YME1L1: variants seen among roughly 807,000 people sequenced by gnomAD.
YME1L1 encodes ATP-dependent zinc metalloprotease YME1L1.
In YME1L1, 39 loss-of-function variants were observed where a neutral mutation model predicts 90.4. The observed-to-expected ratio is 0.43, with a 90% CI of 0.33 to 0.56. The LOEUF (loss-of-function observed/expected upper bound fraction) is 0.56, where lower values mean the gene tolerates loss of function less well. YME1L1 is among the 20% of genes least tolerant of loss of function. The pLI is 0.03. For missense variants in YME1L1, 617 were observed against 868.4 expected (o/e 0.71, Z 3.64); for synonymous variants, 284 against 287.3 (o/e 0.99, Z 0.12).
Position 27,110,991 on chromosome 10 carries a change from C to A in YME1L1, c.*986G>T, listed in dbSNP as rs766922737. On this transcript the variant is annotated 3_prime_UTR_variant, in exon 19 of 19. Coordinates refer to ENST00000376016, the MANE Select transcript of YME1L1 (RefSeq NM_014263.4). ...GGTTCAAGCAATTCTCGTGCCTCAG[C>A]CTCTCAAGTAGCTGGGATTCCAGGC... 2.0e-5 allele frequency: 3 copies of A among 152,004 alleles called. No homozygotes were observed. Among genetic ancestry groups the A allele is most frequent in the African/African-American group, 4.8e-5 (2 of 41,370 alleles). 9.4% of individuals were successfully genotyped at this position (152,004 alleles called of 1,614,324 possible).
Position 27,122,883 on chromosome 10 carries a change from T to C in YME1L1, c.1193A>G (p.Tyr398Cys). ...AAGTTGATTTATGGTCTGCCTTGAA[T>C]ATGGATGCATTGGAGATTCAATTCT... The part of the protein sequence containing the change: ...GKRIESPMHP[Y>C]SRQTINQLLA... Residue 398 changes from tyrosine (Y) to cysteine (C), a missense_variant, in exon 11 of 19, where the codon TAT becomes TGT. By Grantham distance (194) the Tyr-to-Cys change is radical. Coordinates refer to ENST00000376016, the MANE Select transcript of YME1L1 (RefSeq NM_014263.4). 6.2e-7 allele frequency: 1 copy of C among 1,613,560 alleles called. No homozygotes were observed.
At chr10:27,152,191 T>C (rs4749229) in intron 1 of YME1L1, among the ~76,000 whole-genome samples, 2,609 of 152,306 alleles carry the variant, frequency 0.017, 143 homozygotes, top group East Asian at 0.16. Flanking sequence ...CATTTCAAGA[T>C]ACATATTTTC....
At chr10:27,121,306 G>T in intron 12 of YME1L1, 80 bp downstream of exon 12, 2 of 971,200 alleles carry the variant, frequency 2.1e-6, no homozygotes, top group Non-Finnish European at 3.3e-6. Flanking sequence ...GTGTTGATGT[G>T]ATCTTTTGCA....
chr10:27,150,350 C>G (rs145787016), intron 1 of YME1L1, among the ~76,000 whole-genome samples: 2 of 152,268 alleles, frequency 1.3e-5, no homozygotes, highest in African/African-American at 2.4e-5. Context: ...AATTATACTT[C>G]TTGTTACAGT....
chr10:27,124,456 TATAA>T (rs2135856766), intron 9 of YME1L1, among the ~76,000 whole-genome samples: 1 of 152,334 alleles, frequency 6.6e-6, no homozygotes, highest in Non-Finnish European at 1.5e-5. Context: ...TATATGTTTT[TATAA>T]ATATACATAT....
chr10:27,118,651 C>T (rs896742412), intron 14 of YME1L1, among the ~76,000 whole-genome samples: 1 of 152,192 alleles, frequency 6.6e-6, no homozygotes, highest in African/African-American at 2.4e-5. Context: ...AACAATTTAA[C>T]TGAAAACCAA....
At chr10:27,125,555 T>C (rs2056909827) in intron 9 of YME1L1, among the ~76,000 whole-genome samples, 1 of 150,820 alleles carries the variant, frequency 6.6e-6, no homozygotes, top group Non-Finnish European at 1.5e-5. Context: ...AGGGCAACAC[T>C]ACAAAGGATA....
intron 8 of YME1L1, among the ~76,000 whole-genome samples, chr10:27,128,240 T>G (rs2056940567): frequency 6.6e-6 from 1 of 152,164 alleles, no homozygotes; most frequent in South Asian, 2.1e-4. Flanking sequence ...TGGTAAACAT[T>G]TGTCACAGGA....
intron 15 of YME1L1, 89 bp downstream of exon 15, chr10:27,117,487 G>C: frequency 7.2e-7 from 1 of 1,382,568 alleles, no homozygotes; most frequent in Non-Finnish European, 1.0e-6. Context: ...AGAATCGTTT[G>C]AATCCGGAAG....
intron 18 of YME1L1, among the ~76,000 whole-genome samples, chr10:27,113,209 G>C (rs1372465432): frequency 9.9e-6 from 1 of 101,502 alleles, no homozygotes; most frequent in African/African-American, 3.7e-5. Context: ...GACAGGGCAA[G>C]ATGCTGTCTC....
intron 7 of YME1L1, among the ~76,000 whole-genome samples, chr10:27,132,208 C>G (rs1216971842): frequency 6.6e-6 from 1 of 152,168 alleles, no homozygotes; most frequent in Non-Finnish European, 1.5e-5. Context: ...TCAAGCGATT[C>G]TCCTGCCTCA....
chr10:27,123,164 T>C (rs1019608158), intron 10 of YME1L1, among the ~76,000 whole-genome samples, 191 bp from the exon 11 acceptor site: 1 of 152,076 alleles, frequency 6.6e-6, no homozygotes, highest in Non-Finnish European at 1.5e-5. Context: ...AAAGAAATGA[T>C]ATAAAACAAA....
intron 15 of YME1L1, among the ~76,000 whole-genome samples, 191 bp downstream of exon 15, chr10:27,117,385 T>C (rs1232623121): frequency 6.6e-6 from 1 of 152,132 alleles, no homozygotes; most frequent in Non-Finnish European, 1.5e-5. Context: ...CTGGCCAACA[T>C]GGTGAAACCC....
In YME1L1 at chr10:27,136,391, T is replaced by C; in HGVS notation, c.431-6A>G. On this transcript the variant is annotated splice_polypyrimidine_tract_variant and splice_region_variant and intron_variant, in intron 4 of 18. Coordinates refer to ENST00000376016, the MANE Select transcript of YME1L1 (RefSeq NM_014263.4). ...ACCCCGAGACTGTATGAAAACTAAA[T>C]AAAACAATACCATTCACTGTCACTA... 1 of 1,601,760 alleles carries C rather than the reference T, an allele frequency of 6.2e-7. No individual in the cohort carries two copies. Among genetic ancestry groups the C allele is most frequent in the Non-Finnish European group, 8.5e-7 (1 of 1,170,674 alleles).
At chr10:27,140,474 T>G (rs1003811692) in intron 4 of YME1L1, among the ~76,000 whole-genome samples, 5 of 151,984 alleles carry the variant, frequency 3.3e-5, no homozygotes, top group South Asian at 2.1e-4. Flanking sequence ...AGTATTTAGG[T>G]TTTTTTTGTC....
Position 27,145,596 on chromosome 10 carries a change from A to C in YME1L1, c.169-6T>G, listed in dbSNP as rs749602751. On this transcript the variant is annotated splice_region_variant and splice_polypyrimidine_tract_variant and intron_variant, in intron 2 of 18. Coordinates refer to ENST00000376016, the MANE Select transcript of YME1L1 (RefSeq NM_014263.4). The stretch of plus-strand genomic sequence containing the variant: ...TCCCTTAAGTTAAGTGAAGGCTGTA[A>C]AAGATTGGGTCAACCAGGTATGCAT... 6.2e-7 allele frequency: 1 copy of C among 1,610,246 alleles called. No homozygotes were observed. Among genetic ancestry groups the C allele is most frequent in the Non-Finnish European group, 8.5e-7 (1 of 1,177,602 alleles).
intron 7 of YME1L1, 132 bp downstream of exon 7, chr10:27,133,907 T>C (rs2057000440): frequency 3.7e-6 from 2 of 546,512 alleles, no homozygotes; most frequent in Non-Finnish European, 6.2e-6. Flanking sequence ...TAACCACTAC[T>C]AGGAATGAAA....
At chr10:27,121,278 T>A in intron 12 of YME1L1, 108 bp downstream of exon 12, 1 of 791,344 alleles carries the variant, frequency 1.3e-6, no homozygotes, top group Middle Eastern at 3.6e-4. Context: ...GGATATTGCA[T>A]ATAAATGGAA....
At chr10:27,120,309 G>T in intron 13 of YME1L1, 126 bp downstream of exon 13, 1 of 586,806 alleles carries the variant, frequency 1.7e-6, no homozygotes, top group Non-Finnish European at 2.8e-6. Flanking sequence ...CATACTAATG[G>T]AAAAAAAAAA....
Sources: allele counts gnomAD v4.1 joint callset (sites outside exome capture counted in the v4.1 genomes callset), GRCh38; gene constraint gnomAD v4.1.1; transcripts MANE v1.5; gene names NCBI Gene and HGNC (gene_info 2026-07-23, HGNC 2026-07-21).